The following KCNIP1 variants were observed in gnomAD, a reference collection of about 807,000 sequenced individuals.
KCNIP1 encodes A-type potassium channel modulatory protein KCNIP1.
KCNIP1 carries 18 observed loss-of-function variants against 33.0 expected under a neutral mutation model. The ratio of observed to expected loss-of-function variants is 0.55; its 90% CI spans 0.38 to 0.81. The LOEUF is 0.81. Ranked by LOEUF, KCNIP1 falls within the 30% of genes least tolerant of loss-of-function variation. KCNIP1 has a pLI of 0.00. For missense variants in KCNIP1, 238 were observed against 271.6 expected, an observed-to-expected ratio of 0.88 and a Z score of 0.87; for synonymous variants, 93 against 98.3, an observed-to-expected ratio of 0.95 and a Z score of 0.32.
At chr5:170,395,047 G>T (rs62392745) in intron 1 of KCNIP1, among the ~76,000 whole-genome samples, 20,487 of 152,146 alleles carry the variant, frequency 0.13, 1,507 homozygotes, top group Non-Finnish European at 0.17. Flanking sequence ...TGAATAGTGC[G>T]GCAATAAATG....
At chr5:170,668,607 T>C (rs1761800084) in intron 1 of KCNIP1, among the ~76,000 whole-genome samples, 1 of 152,242 alleles carries the variant, frequency 6.6e-6, no homozygotes. Flanking sequence ...ACAGACGGCA[T>C]GCTTGGCTCA....
intron 5 of KCNIP1, among the ~76,000 whole-genome samples, chr5:170,730,319 T>A (rs188727588): frequency 6.6e-4 from 100 of 152,302 alleles, no homozygotes; most frequent in African/African-American, 2.3e-3. Context: ...TTTTTGTAAT[T>A]TGCAAACTAG....
intron 1 of KCNIP1, among the ~76,000 whole-genome samples, chr5:170,416,979 G>C (rs1755348081): frequency 6.6e-6 from 1 of 152,144 alleles, no homozygotes; most frequent in African/African-American, 2.4e-5. Flanking sequence ...TTTTAATTGA[G>C]TGTATCTTTT....
At chr5:170,542,892 G>A (rs1756264487) in intron 1 of KCNIP1, among the ~76,000 whole-genome samples, 1 of 152,178 alleles carries the variant, frequency 6.6e-6, no homozygotes, top group Non-Finnish European at 1.5e-5. Flanking sequence ...AAGTGAAACT[G>A]CTGATTGGGG....
intron 1 of KCNIP1, chr5:170,376,196 T>C (rs1220903257): frequency 7.0e-6 from 1 of 143,678 alleles, no homozygotes; most frequent in Non-Finnish European, 1.5e-5. Context: ...AGTCTTGCTC[T>C]GTTACCCAGG....
chr5:170,481,965 G>A (rs563334716), intron 1 of KCNIP1, among the ~76,000 whole-genome samples: 1 of 152,162 alleles, frequency 6.6e-6, no homozygotes, highest in Non-Finnish European at 1.5e-5. Context: ...GTTTCTGTAG[G>A]TAGTAAAGTG....
At chr5:170,620,485 A>C (rs899626042) in intron 1 of KCNIP1, among the ~76,000 whole-genome samples, 2 of 152,204 alleles carry the variant, frequency 1.3e-5, no homozygotes, top group African/African-American at 4.8e-5. Flanking sequence ...TGCTACAGCC[A>C]TTGTGCTACC....
At position 170,700,185 on chromosome 5, in the gene KCNIP1, C is replaced by T. The variant is rs560355451; in HGVS notation, c.62-18573C>T. On this transcript the variant is annotated intron_variant, in intron 1 of 7. Transcript: ENST00000328939. ...TAGAGGATGTTCCCTCTGCCCAGAA[C>T]GCTCTCCCTCACTCATCACCTGTTG... Among the ~76,000 whole-genome samples, 153 of 152,160 alleles carry T rather than the reference C, an allele frequency of 1.0e-3. 1 individual carries two copies. The Middle Eastern group carries it at 0.014, about 14-fold the overall frequency.
At chr5:170,364,190 G>A (rs1046993235) in intron 1 of KCNIP1, among the ~76,000 whole-genome samples, 1 of 151,916 alleles carries the variant, frequency 6.6e-6, no homozygotes, top group African/African-American at 2.4e-5. Flanking sequence ...ATTTTTTATA[G>A]AGATGAGGTT....
At chr5:170,569,929 A>G (rs1757339264) in intron 1 of KCNIP1, among the ~76,000 whole-genome samples, 1 of 152,188 alleles carries the variant, frequency 6.6e-6, no homozygotes, top group African/African-American at 2.4e-5. Context: ...AAAATGCACC[A>G]AAGTAATGAA....
At chr5:170,612,714 A>G (rs540880434) in intron 1 of KCNIP1, among the ~76,000 whole-genome samples, 6 of 152,300 alleles carry the variant, frequency 3.9e-5, no homozygotes, top group South Asian at 2.1e-4. Flanking sequence ...CAGCCTGACA[A>G]TGTGAGGCTG....
intron 1 of KCNIP1, among the ~76,000 whole-genome samples, chr5:170,370,956 T>C (rs1026429650): frequency 6.6e-6 from 1 of 152,216 alleles, no homozygotes; most frequent in Non-Finnish European, 1.5e-5. Context: ...AAAAGAGGAC[T>C]CTGAGGCAAT....
At chr5:170,555,742 C>T (rs935412181) in intron 1 of KCNIP1, among the ~76,000 whole-genome samples, 4 of 152,002 alleles carry the variant, frequency 2.6e-5, no homozygotes, top group Non-Finnish European at 4.4e-5. Flanking sequence ...CTGTCTGTCC[C>T]ACAGAGTCTT....
chr5:170,696,728 TG>T (rs1762910639), intron 1 of KCNIP1, among the ~76,000 whole-genome samples: 1 of 152,148 alleles, frequency 6.6e-6, no homozygotes, highest in African/African-American at 2.4e-5. Flanking sequence ...GAAGTCATGT[TG>T]GGGGAACAGC....
chr5:170,688,848 C>T (rs1396825770), intron 1 of KCNIP1, among the ~76,000 whole-genome samples: 1 of 152,122 alleles, frequency 6.6e-6, no homozygotes, highest in East Asian at 1.9e-4. Context: ...ATGGGCTGAT[C>T]CTATGGAAGC....
At position 170,733,846 on chromosome 5, in the gene KCNIP1, A is replaced by G. The variant is rs957794962; in HGVS notation, c.551A>G (p.Lys184Arg). Residue 184 changes from lysine to arginine, a missense_variant, in exon 7 of 8, where the codon AAA becomes AGA. By Grantham distance (26) the Lys-to-Arg change is conservative. Coordinates refer to ENST00000328939, the MANE Select transcript of KCNIP1 (RefSeq NM_014592.4). The part of the protein sequence containing the change: ...HVDVFFQKMD[K>R]NKDGIVTLDE... ...TGTTATGTCTTTCAGAAAATGGACA[A>G]AAATAAAGATGGCATCGTAACTTTA... 1 of 1,613,586 alleles carries G rather than the reference A, an allele frequency of 6.2e-7. No homozygotes were observed. The highest frequency in any genetic ancestry group is 1.3e-5 in the African/African-American group (1 of 74,932).
intron 1 of KCNIP1, among the ~76,000 whole-genome samples, chr5:170,649,182 CA>C (rs1437300506): frequency 1.3e-5 from 2 of 151,980 alleles, no homozygotes; most frequent in Non-Finnish European, 2.9e-5. Context: ...TTGTTGAACG[CA>C]TTTTTTAAGA....
intron 1 of KCNIP1, among the ~76,000 whole-genome samples, chr5:170,650,530 A>G (rs1761001509): frequency 6.6e-6 from 1 of 152,210 alleles, no homozygotes; most frequent in Non-Finnish European, 1.5e-5. Flanking sequence ...GTAGTATTGT[A>G]GTATTTCTTT....
intron 1 of KCNIP1, among the ~76,000 whole-genome samples, chr5:170,405,248 G>GC (rs1413030077): frequency 6.6e-6 from 1 of 151,682 alleles, no homozygotes; most frequent in Non-Finnish European, 1.5e-5. Flanking sequence ...AGGGTGGAGT[G>GC]CAGTGGTGCA....
Sources: allele counts gnomAD v4.1 joint callset (sites outside exome capture counted in the v4.1 genomes callset), GRCh38; gene constraint gnomAD v4.1.1; transcripts MANE v1.5; gene names NCBI Gene and HGNC (gene_info 2026-07-23, HGNC 2026-07-21).